The following GRID2 variants were observed in gnomAD, a reference collection of about 807,000 sequenced individuals.
The protein encoded by GRID2 is glutamate receptor ionotropic, delta-2.
In GRID2, 33 loss-of-function variants were observed where a neutral mutation model predicts 114.8. That is an observed-to-expected ratio of 0.29 (90% CI 0.22 to 0.38). GRID2 has a LOEUF of 0.38. GRID2 is among the 10% of genes least tolerant of loss of function. The pLI is 1.00. For missense variants in GRID2, 1,184 were observed against 1,257.7 expected (o/e 0.94, Z 0.89); for synonymous variants, 505 against 449.9 (o/e 1.12, Z -1.55).
intron 14 of GRID2, among the ~76,000 whole-genome samples, chr4:93,728,621 A>G (rs1205393169): frequency 6.6e-6 from 1 of 152,172 alleles, no homozygotes; most frequent in Non-Finnish European, 1.5e-5. Flanking sequence ...GTTGGAGTCT[A>G]AGTCTCTTTG....
intron 11 of GRID2, among the ~76,000 whole-genome samples, chr4:93,477,742 A>G (rs1406703703): frequency 1.3e-5 from 2 of 152,156 alleles, no homozygotes. Flanking sequence ...TTTCATTCAT[A>G]CTATGATCAG....
chr4:93,726,595 T>A (rs1430404634), intron 14 of GRID2, among the ~76,000 whole-genome samples: 4 of 152,214 alleles, frequency 2.6e-5, no homozygotes, highest in Non-Finnish European at 4.4e-5. Flanking sequence ...ATTTTCACGA[T>A]ATTGATTCTT....
At position 92,636,729 on chromosome 4, in the gene GRID2, G is replaced by A. The variant is rs1234962852; in HGVS notation, c.244+46443G>A. 3.9e-5 allele frequency among the ~76,000 whole-genome samples: 6 copies of A among 151,952 alleles called. No homozygotes were observed. The South Asian group carries it at 6.2e-4, about 16-fold the overall frequency. On this transcript the variant is annotated intron_variant, in intron 2 of 15. Transcript: ENST00000282020. ...AAAGTGTGTGAGCTCGGGTCCCAGC[G>A]TCCCCTGCCAACACACACAGATCCC...
rs1765273848 is a variant in GRID2, at chr4:93,395,788, ATAATCT to A, written c.1347+84_1347+89del. On this transcript the variant is annotated intron_variant, in intron 9 of 15. Coordinates refer to ENST00000282020, the MANE Select transcript of GRID2 (RefSeq NM_001510.4). ...ATTTCTTTCTTTATTAACTGATGAC[ATAATCT>A]TAAAAGAGATTTTAACAAATTCTAA... 11 of 650,524 alleles carry A rather than the reference ATAATCT, an allele frequency of 1.7e-5. No individual in the cohort carries two copies. In the South Asian group the frequency reaches 2.1e-4, roughly 12 times the overall value. 40.3% of individuals were successfully genotyped at this position (650,524 alleles called of 1,614,324 possible).
intron 2 of GRID2, among the ~76,000 whole-genome samples, chr4:92,823,323 A>T (rs1262953705): frequency 6.6e-6 from 1 of 152,182 alleles, no homozygotes; most frequent in African/African-American, 2.4e-5. Flanking sequence ...TATATTTAAA[A>T]TATACAGAGC....
At chr4:92,653,159 G>C (rs947112326) in intron 2 of GRID2, among the ~76,000 whole-genome samples, 1 of 149,842 alleles carries the variant, frequency 6.7e-6, no homozygotes, top group Non-Finnish European at 1.5e-5. Flanking sequence ...CACCACACCC[G>C]GCTAATTTTT....
At chr4:93,104,191 T>G (rs1731975617) in intron 3 of GRID2, among the ~76,000 whole-genome samples, 1 of 152,174 alleles carries the variant, frequency 6.6e-6, no homozygotes, top group Non-Finnish European at 1.5e-5. Flanking sequence ...GGATTACAAT[T>G]TGGAAAAATA....
At chr4:93,712,038 G>A (rs2110169466) in intron 14 of GRID2, among the ~76,000 whole-genome samples, 1 of 152,132 alleles carries the variant, frequency 6.6e-6, no homozygotes, top group Non-Finnish European at 1.5e-5. Flanking sequence ...ATACATTAGG[G>A]ATAAGATTCC....
At chr4:92,772,016 T>G (rs1738567991) in intron 2 of GRID2, among the ~76,000 whole-genome samples, 1 of 152,184 alleles carries the variant, frequency 6.6e-6, no homozygotes, top group Admixed American at 6.5e-5. Flanking sequence ...CCAAAAACGA[T>G]GATGGAACAC....
intron 2 of GRID2, among the ~76,000 whole-genome samples, chr4:92,819,104 C>A (rs1393626987): frequency 1.3e-5 from 2 of 151,732 alleles, no homozygotes; most frequent in Admixed American, 1.3e-4. Context: ...CAACTTTACT[C>A]CCAGCATGAG....
At chr4:93,037,924 CT>C (rs1239343521) in intron 2 of GRID2, among the ~76,000 whole-genome samples, 2 of 152,106 alleles carry the variant, frequency 1.3e-5, no homozygotes, top group African/African-American at 2.4e-5. Context: ...TATGCAGACT[CT>C]TTTTTGGTTC....
intron 1 of GRID2, among the ~76,000 whole-genome samples, chr4:92,444,060 T>C (rs1258625891): frequency 6.6e-6 from 1 of 152,128 alleles, no homozygotes; most frequent in Non-Finnish European, 1.5e-5. Context: ...GCTTAACTGA[T>C]TTAAAATTGG....
chr4:93,520,364 G>A (rs1393622329), intron 13 of GRID2, among the ~76,000 whole-genome samples: 1 of 152,124 alleles, frequency 6.6e-6, no homozygotes, highest in Non-Finnish European at 1.5e-5. Context: ...ATCATGAAGA[G>A]GATGTTGCCA....
At chr4:92,412,019 A>G (rs1219195330) in intron 1 of GRID2, among the ~76,000 whole-genome samples, 1 of 151,768 alleles carries the variant, frequency 6.6e-6, no homozygotes, top group East Asian at 1.9e-4. Context: ...TATCTCCTTC[A>G]TATTTTCAGA....
chr4:92,590,094 A>T, intron 1 of GRID2, 37 bp from the exon 2 acceptor site: 1 of 1,429,142 alleles, frequency 7.0e-7, no homozygotes, highest in Non-Finnish European at 9.9e-7. Context: ...CAGAATATTT[A>T]TGTTATTATT....
intron 13 of GRID2, among the ~76,000 whole-genome samples, chr4:93,574,954 T>A (rs985841704): frequency 6.6e-6 from 1 of 152,172 alleles, no homozygotes; most frequent in African/African-American, 2.4e-5. Flanking sequence ...CACTCACTCG[T>A]CTGGTGCCTT....
chr4:93,053,393 G>A (rs1029013251), intron 2 of GRID2, among the ~76,000 whole-genome samples: 1 of 151,898 alleles, frequency 6.6e-6, no homozygotes. Flanking sequence ...GTATGTGTAT[G>A]CATGTGAATT....
At position 93,661,616 on chromosome 4, in the gene GRID2, G is replaced by T. The variant is rs76082202; in HGVS notation, c.2360+35181G>T. ...AAACATGCATAAAACAAGTTTACGG[G>T]TTAATCTGTTGATGAAAATGTAGTG... On this transcript the variant is annotated intron_variant, in intron 14 of 15. Transcript: ENST00000282020. Among the ~76,000 whole-genome samples, 789 of 152,262 alleles carry T rather than the reference G, an allele frequency of 5.2e-3. 28 individuals carry two copies. In the East Asian group the frequency reaches 0.11, roughly 21 times the overall value.
chr4:92,884,578 C>A, intron 2 of GRID2: 1 of 155,994 alleles, frequency 6.4e-6, no homozygotes, highest in Non-Finnish European at 1.4e-5. Flanking sequence ...GCAGTTCTTC[C>A]TTTCACTTGA....
Sources: gnomAD v4.1 joint callset for allele counts (sites outside exome capture counted in the v4.1 genomes callset) on GRCh38, gnomAD v4.1.1 for gene constraint, MANE v1.5 for transcripts, NCBI Gene and HGNC (gene_info 2026-07-23, HGNC 2026-07-21) for gene names.